The following PCDHGA6 variants were observed in gnomAD, a reference collection of about 807,000 sequenced individuals.
PCDHGA6 encodes protocadherin gamma-A6.
In PCDHGA6, 41 loss-of-function variants were observed where a neutral mutation model predicts 60.6. The observed-to-expected ratio is 0.68, with a 90% CI of 0.53 to 0.88. The LOEUF (loss-of-function observed/expected upper bound fraction) is 0.88. Among genes scored for constraint, PCDHGA6 ranks in the 40% least tolerant of loss-of-function variants. PCDHGA6 has a pLI of 0.00. For missense variants in PCDHGA6, 1,312 were observed against 1,203.0 expected (o/e 1.09, Z -1.34); for synonymous variants, 594 against 524.4 (o/e 1.13, Z -1.81).
intron 1 of PCDHGA6, 138 bp downstream of exon 1, chr5:141,376,645 T>A (rs1174597911): frequency 5.9e-6 from 6 of 1,010,322 alleles, no homozygotes; most frequent in Non-Finnish European, 7.1e-6. Context: ...TTTTGTAAAG[T>A]GGAAGACTCC....
At chr5:141,422,301 G>A (rs777697738) in intron 1 of PCDHGA6, 36 of 1,549,184 alleles carry the variant, frequency 2.3e-5, no homozygotes, top group Non-Finnish European at 3.1e-5. Flanking sequence ...ATTCAATTCT[G>A]GAAAACTCTC....
chr5:141,500,176 A>ATTTT (rs1468241826), intron 2 of PCDHGA6, among the ~76,000 whole-genome samples: 91 of 145,916 alleles, frequency 6.2e-4, no homozygotes, highest in African/African-American at 2.3e-3. Context: ...CATGAGCTTC[A>ATTTT]TTTTTATTTT....
At position 141,376,366 on chromosome 5, in the gene PCDHGA6, A is replaced by C; in HGVS notation, c.2283A>C (p.Ala761=). The change falls in exon 1 of 4, where the codon GCA becomes GCC. Residue 761 remains alanine, a synonymous_variant. Transcript: ENST00000517434. ...ATTCCCACGAGGTCTCACTCACTGCAGACTCGCGTAAGAGTCATCTGATTT... is the reference window on the plus strand; with the variant it reads ...ATTCCCACGAGGTCTCACTCACTGCCGACTCGCGTAAGAGTCATCTGATTT... ...QTYSHEVSLT[A]DSRKSHLIFP... The C allele has an allele frequency of 6.2e-7, 1 of 1,614,206 alleles. No homozygotes were observed. Among genetic ancestry groups the C allele is most frequent in the Non-Finnish European group, 8.5e-7 (1 of 1,180,038 alleles).
chr5:141,400,181 A>C, intron 1 of PCDHGA6: 3 of 1,614,034 alleles, frequency 1.9e-6, no homozygotes, highest in Non-Finnish European at 2.5e-6. Context: ...GCTGAGCTGC[A>C]GTTTTACCTA....
intron 1 of PCDHGA6, among the ~76,000 whole-genome samples, chr5:141,451,717 A>G (rs2098722445): frequency 6.6e-6 from 1 of 152,166 alleles, no homozygotes; most frequent in Non-Finnish European, 1.5e-5. Context: ...CCCTGCCTCT[A>G]CTAAAAATAC....
Position 141,511,464 on chromosome 5 carries a change from C to G in PCDHGA6, c.*291C>G. 1.9e-6 allele frequency: 1 copy of G among 538,254 alleles called. No individual in the cohort carries two copies. The highest frequency in any genetic ancestry group is 2.1e-5 in the South Asian group (1 of 47,028). The allele number at this position is 538,254 out of a possible 1,614,324, so 33.3% of individuals were successfully genotyped here. On this transcript the variant is annotated 3_prime_UTR_variant, in exon 4 of 4. Transcript: ENST00000517434. ...ACACCAAGAACCATTTGCCACACCC[C>G]GTTTAGTTACAGCTGAACTCCTCCA...
Position 141,432,405 on chromosome 5 carries a change from GC to G in PCDHGA6, c.2424+55900del. On this transcript the variant is annotated intron_variant, in intron 1 of 3. Coordinates refer to ENST00000517434, the MANE Select transcript of PCDHGA6 (RefSeq NM_018919.3). This position sits in a 1 kb window ranked among gnomAD's most constrained non-coding sequence, Gnocchi z 6.0. ...CCCCTCAGCAGCAACGTGTCGTTGA[GC>G]CTGTTCGTGCTGGACCAGAACGACA... The G allele has an allele frequency of 6.2e-7, 1 of 1,614,246 alleles. No individual in the cohort carries two copies. Among genetic ancestry groups the G allele is most frequent in the South Asian group, 1.1e-5 (1 of 91,084 alleles).
rs758599120 is a variant in PCDHGA6 at position 141,414,165 on chromosome 5, A to G, written c.2424+37658A>G. On this transcript the variant is annotated intron_variant, in intron 1 of 3. Transcript: ENST00000517434. The stretch of plus-strand genomic sequence containing the variant: ...AAATACAAGCAGAAGATGGAGGAGC[A>G]TATCTTGCAACTGCAAAAGTGTTGA... 8 of 1,604,890 alleles carry G rather than the reference A, an allele frequency of 5.0e-6. No homozygotes were observed. The highest frequency in any genetic ancestry group is 2.2e-5 in the South Asian group (2 of 89,922).
In PCDHGA6 at chr5:141,510,989, C is replaced by A. The variant is rs2099883548; in HGVS notation, c.2615C>A (p.Thr872Asn). The A allele has an allele frequency of 1.2e-6, 2 of 1,614,198 alleles. No homozygotes were observed. The highest frequency in any genetic ancestry group is 1.7e-6 in the Non-Finnish European group (2 of 1,180,022). ...TCCACCCTGGGAGGGGGTGCCGGCA[C>A]CATGGGATTGAGCGCCCGCTACGGA... is the stretch of plus-strand genomic sequence containing the variant. ...GSSTLGGGAG[T>N]MGLSARYGPQ... Residue 872 changes from threonine to asparagine, a missense_variant, in exon 4 of 4, where the codon ACC becomes AAC. Thr to Asn is a moderately conservative substitution (Grantham distance 65, BLOSUM62 0). Transcript: ENST00000517434.
At chr5:141,406,189 C>G (rs1277183811) in intron 1 of PCDHGA6, among the ~76,000 whole-genome samples, 1 of 151,722 alleles carries the variant, frequency 6.6e-6, no homozygotes, top group Admixed American at 6.6e-5. Context: ...CCTCCCACCT[C>G]AGCCTTCACA....
At position 141,487,915 on chromosome 5, in the gene PCDHGA6, G is replaced by T; in HGVS notation, c.2425-6892G>T. The T allele has an allele frequency of 1.5e-6, 1 of 655,128 alleles. No homozygotes were observed. Among genetic ancestry groups the T allele is most frequent in the Middle Eastern group, 3.5e-4 (1 of 2,862 alleles). The allele number at this position is 655,128 out of a possible 1,614,324, so 40.6% of individuals were successfully genotyped here. ...GATGATGGAATGTGGGAGCACAGGA[G>T]GCTACAGTGCACAGGGTACAGTGCA... On this transcript the variant is annotated intron_variant, in intron 1 of 3. Coordinates refer to ENST00000517434, the MANE Select transcript of PCDHGA6 (RefSeq NM_018919.3). This position sits in a 1 kb window ranked among gnomAD's most constrained non-coding sequence, Gnocchi z 5.0.
rs771459458 is a variant in PCDHGA6 at position 141,394,997 on chromosome 5, C to A, written c.2424+18490C>A. On this transcript the variant is annotated intron_variant, in intron 1 of 3. Coordinates refer to ENST00000517434, the MANE Select transcript of PCDHGA6 (RefSeq NM_018919.3). The stretch of plus-strand genomic sequence containing the variant: ...ACAAGTCACGCCTGCTCCAGGATTC[C>A]GGTGGCAGATTGGTAGGCGTGCCTG... 4 of 1,614,016 alleles carry A rather than the reference C, an allele frequency of 2.5e-6. No individual in the cohort carries two copies. In the South Asian group the frequency reaches 3.3e-5, roughly 13 times the overall value.
intron 2 of PCDHGA6, among the ~76,000 whole-genome samples, chr5:141,501,061 G>T (rs746369272): frequency 1.5e-4 from 23 of 152,118 alleles, no homozygotes; most frequent in Non-Finnish European, 2.1e-4. Flanking sequence ...TAGAGACGGG[G>T]TTTCACCATG....
rs144018757 is a variant in PCDHGA6, at chr5:141,443,001, A to G, written c.2425-51806A>G. On this transcript the variant is annotated intron_variant, in intron 1 of 3. Transcript: ENST00000517434. ...GTTAGCCTATAATTTCAGTAAATCTAAGAATATGACTAATGGAAGTTGCCA... is the reference window on the plus strand; with the variant it reads ...GTTAGCCTATAATTTCAGTAAATCTGAGAATATGACTAATGGAAGTTGCCA... Among the ~76,000 whole-genome samples the G allele has an allele frequency of 1.3e-3, 194 of 152,312 alleles. 1 individual carries two copies. The East Asian group carries it at 0.032, about 25-fold the overall frequency.
At position 141,500,184 on chromosome 5, in the gene PCDHGA6, TTTTATTTATTTATTTA is replaced by T. The variant is rs58019021; in HGVS notation, c.2484-5182_2484-5167del. Among the ~76,000 whole-genome samples the T allele has an allele frequency of 2.1e-3, 289 of 135,964 alleles. 1 individual carries two copies. Among genetic ancestry groups the T allele is most frequent in the Middle Eastern group, 0.016 (4 of 248 alleles). The allele number at this position is 135,964 out of a possible 152,430, so 89.2% of individuals were successfully genotyped here. A position where few individuals can be genotyped will look rare whatever the true frequency, so the allele number is the denominator to read the frequency against. On this transcript the variant is annotated intron_variant, in intron 2 of 3. Coordinates refer to ENST00000517434, the MANE Select transcript of PCDHGA6 (RefSeq NM_018919.3). ...GAACATGCATGAGCTTCATTTTTAT[TTTTATTTATTTATTTA>T]TTTATTTATTTATTTATTTATTTAT...
chr5:141,490,517 C>T lies in PCDHGA6; in HGVS notation c.2425-4290C>T. 6.2e-7 allele frequency: 1 copy of T among 1,613,972 alleles called. No homozygotes were observed. The highest frequency in any genetic ancestry group is 2.2e-5 in the East Asian group (1 of 44,854). ...TCCCACTATATCATCGAGCTGCTGG[C>T]CAGCGATGCTGGTTCACCTTCCCTA... On this transcript the variant is annotated intron_variant, in intron 1 of 3. Coordinates refer to ENST00000517434, the MANE Select transcript of PCDHGA6 (RefSeq NM_018919.3). The surrounding 1 kb of genome is among the most constrained non-coding windows in gnomAD (Gnocchi z 5.4).
At chr5:141,422,219 C>T in intron 1 of PCDHGA6, 1 of 1,564,678 alleles carries the variant, frequency 6.4e-7, no homozygotes, top group Non-Finnish European at 8.6e-7. Context: ...CTCTTTACCA[C>T]CACGACGATG....
intron 1 of PCDHGA6, chr5:141,403,345 A>C (rs1267522141): frequency 1.2e-6 from 2 of 1,614,050 alleles, no homozygotes; most frequent in South Asian, 2.2e-5. Context: ...ACAGCGCCCC[A>C]AAGTTCCAGG....
At chr5:141,400,404 GT>G (rs2094016313) in intron 1 of PCDHGA6, 1 of 1,613,948 alleles carries the variant, frequency 6.2e-7, no homozygotes, top group South Asian at 1.1e-5. Flanking sequence ...GAAAGACGGA[GT>G]TTAATTTCCT....
Sources: allele counts gnomAD v4.1 joint callset (sites outside exome capture counted in the v4.1 genomes callset), GRCh38; gene constraint gnomAD v4.1.1; non-coding constraint Gnocchi (gnomAD v3.1); transcripts MANE v1.5; gene names NCBI Gene and HGNC (gene_info 2026-07-23, HGNC 2026-07-21).